Variants in ECI2 observed in about 807,000 individuals in gnomAD.
ECI2 encodes D3,D2-enoyl-CoA isomerase.
In ECI2, 27 loss-of-function variants were observed where a neutral mutation model predicts 38.4. The ratio of observed to expected loss-of-function variants is 0.70; its 90% confidence interval spans 0.52 to 0.97. The LOEUF (loss-of-function observed/expected upper bound fraction) is 0.97, where lower values mean the gene tolerates loss of function less well. ECI2 is among the 50% of genes least tolerant of loss of function. ECI2 has a pLI of 0.00. For synonymous variants in ECI2, 168 were observed against 172.0 expected (o/e 0.98, Z 0.18); for missense variants, 470 against 474.4 (o/e 0.99, Z 0.09).
intron 7 of ECI2, among the ~76,000 whole-genome samples, chr6:4,123,322 A>C (rs1198436450): frequency 2.0e-5 from 3 of 151,494 alleles, no homozygotes; most frequent in African/African-American, 7.3e-5. Flanking sequence ...GATTACAGAC[A>C]CCCGCCACCA....
intron 4 of ECI2, 130 bp downstream of exon 4, chr6:4,130,242 C>A (rs1490218369): frequency 1.2e-6 from 2 of 1,613,518 alleles, no homozygotes; most frequent in South Asian, 2.2e-5. Context: ...CCACAATTAC[C>A]AACCTTCCTG....
intron 1 of ECI2, chr6:4,135,108 C>T (rs3804317): frequency 0.073 from 35,455 of 484,806 alleles, 1,924 homozygotes; most frequent in East Asian, 0.28. Flanking sequence ...TAACGGCTTG[C>T]GTTTACCTCG....
In ECI2 at chr6:4,131,002, T is replaced by A. The variant is rs1773481234; in HGVS notation, c.214-137A>T. 3 of 745,242 alleles carry A rather than the reference T, an allele frequency of 4.0e-6. No homozygotes were observed. In the South Asian group the frequency reaches 6.8e-5, roughly 17 times the overall value. 46.2% of individuals were successfully genotyped at this position (745,242 alleles called of 1,614,324 possible). A position where few individuals can be genotyped will look rare whatever the true frequency, so the allele number is the denominator to read the frequency against. The stretch of plus-strand genomic sequence containing the variant: ...CAGGGTATGTAAATTGATCTGAATT[T>A]TCCCCTCCAGTCTCTTTGATGTTGT... On this transcript the variant is annotated intron_variant, in intron 2 of 9. Transcript: ENST00000380118.
intron 5 of ECI2, among the ~76,000 whole-genome samples, chr6:4,126,907 T>A (rs1773198716): frequency 1.3e-5 from 2 of 152,186 alleles, no homozygotes; most frequent in African/African-American, 4.8e-5. Context: ...AAGATCACCA[T>A]CCAAAACAAG....
In ECI2 at chr6:4,130,853, G is replaced by A; in HGVS notation, c.226C>T (p.Pro76Ser). 2 of 1,614,086 alleles carry A rather than the reference G, an allele frequency of 1.2e-6. No homozygotes were observed. Among genetic ancestry groups the A allele is most frequent in the African/African-American group, 2.7e-5 (2 of 75,014 alleles). The change falls in exon 3 of 10, where the codon CCT (proline) becomes TCT (serine). Residue 76 changes from proline (P) to serine (S), a missense_variant. By Grantham distance (74) the Pro-to-Ser change is moderately conservative. Transcript: ENST00000380118. Reference sequence around the variant, plus strand: ...ACACCTGGTTTGGGCATGTTACAAGGTCCTTCAGTGGCCTGTGAAAAGGAG... The same window carrying A: ...ACACCTGGTTTGGGCATGTTACAAGATCCTTCAGTGGCCTGTGAAAAGGAG... The part of the protein sequence containing the change: ...YALYKQATEG[P>S]CNMPKPGVFD...
chr6:4,126,100 C>T, intron 6 of ECI2, 35 bp downstream of exon 6: 1 of 1,552,792 alleles, frequency 6.4e-7, no homozygotes, highest in African/African-American at 1.4e-5. Flanking sequence ...TAAGAACGGG[C>T]CCTCTGGGAT....
chr6:4,133,866 G>T, intron 1 of ECI2, 155 bp from the exon 2 acceptor site: 1 of 830,790 alleles, frequency 1.2e-6, no homozygotes, highest in Non-Finnish European at 1.7e-6. Context: ...CAAATAATTG[G>T]CTGTAAGGAT....
At chr6:4,133,749 C>T in intron 1 of ECI2, 38 bp from the exon 2 acceptor site, 1 of 1,554,416 alleles carries the variant, frequency 6.4e-7, no homozygotes. Flanking sequence ...TGTTCCCAAC[C>T]CTCACATTTC....
rs749347514 is a variant in ECI2, at chr6:4,119,254, TA to T, written c.816del (p.Phe272LeufsTer4). ...ASDRATFHTP[F>X]SHLGQSPEGC... ...CCTTCCGGACTTTGGCCTAGGTGAC[TA>T]AATGGTGTATGAAATGTTGCCTGCA... On this transcript the variant is annotated frameshift_variant, in exon 8 of 10. Coordinates refer to ENST00000380118, the MANE Select transcript of ECI2 (RefSeq NM_206836.3). LOFTEE classifies it high-confidence loss of function. The T allele has an allele frequency of 2.5e-6, 4 of 1,613,030 alleles. No individual in the cohort carries two copies. The African/African-American group carries it at 5.4e-5, about 22-fold the overall frequency.
At chr6:4,134,174 C>G (rs1169459427) in intron 1 of ECI2, among the ~76,000 whole-genome samples, 1 of 152,220 alleles carries the variant, frequency 6.6e-6, no homozygotes, top group Non-Finnish European at 1.5e-5. Context: ...GCTGGCGAAG[C>G]TGGTGTTCCA....
Position 4,130,776 on chromosome 6 carries a change from G to A in ECI2, c.303C>T (p.Ser101=). ...TAACTAGTAAACTCACCTTGGGCAG[G>A]CTGCCAAGGGCATTCCATGCGTCCC... The part of the protein sequence containing the change: ...AKWDAWNALG[S]LPKEAARQNY... Residue 101 remains serine, a synonymous_variant, in exon 3 of 10, where the codon AGC becomes AGT. Coordinates refer to ENST00000380118, the MANE Select transcript of ECI2 (RefSeq NM_206836.3). 10 of 1,613,950 alleles carry A rather than the reference G, an allele frequency of 6.2e-6. No individual in the cohort carries two copies. Among genetic ancestry groups the A allele is most frequent in the Non-Finnish European group, 8.5e-6 (10 of 1,179,978 alleles).
chr6:4,119,143 A>C, intron 8 of ECI2, 43 bp downstream of exon 8: 1 of 1,497,962 alleles, frequency 6.7e-7, no homozygotes, highest in South Asian at 1.2e-5. Flanking sequence ...TTCTTTCTTG[A>C]GATGACTCAT....
intron 7 of ECI2, among the ~76,000 whole-genome samples, chr6:4,123,996 A>G (rs1238370917): frequency 1.3e-5 from 2 of 152,118 alleles, no homozygotes; most frequent in African/African-American, 4.8e-5. Context: ...TGTATATTGA[A>G]AGTAATTTTC....
Position 4,130,464 on chromosome 6 carries a change from T to C in ECI2, c.409A>G (p.Thr137Ala), listed in dbSNP as rs45557937. The change falls in exon 4 of 10, where the codon ACT (threonine) becomes GCT (alanine). Residue 137 changes from threonine to alanine, a missense_variant. Thr to Ala is a moderately conservative substitution (Grantham distance 58, BLOSUM62 0). Coordinates refer to ENST00000380118, the MANE Select transcript of ECI2 (RefSeq NM_206836.3). ...GTCACCACCAGAGTTTCAAACCCAG[T>C]TGATTTCCTGTCTGTTCCAGGCTCC... ...QVEPGTDRKS[T>A]GFETLVVTSE... 1.3e-4 allele frequency: 207 copies of C among 1,614,250 alleles called. No homozygotes were observed. Among genetic ancestry groups the C allele is most frequent in the Non-Finnish European group, 1.7e-4 (201 of 1,180,042 alleles).
chr6:4,119,501 C>A (rs148823548), intron 7 of ECI2, among the ~76,000 whole-genome samples: 2,888 of 151,918 alleles, frequency 0.019, 164 homozygotes, highest in Admixed American at 0.11. Flanking sequence ...TTGTATTTTT[C>A]GTAGAGACGG....
chr6:4,115,931 T>C lies in ECI2; in HGVS notation c.1128A>G (p.Leu376=), dbSNP rs375466525. 3.0e-5 allele frequency: 49 copies of C among 1,614,114 alleles called. No individual in the cohort carries two copies. The highest frequency in any genetic ancestry group is 3.6e-5 in the Non-Finnish European group (43 of 1,180,052). The change falls in exon 10 of 10, where the codon CTA becomes CTG. Residue 376 remains leucine (L), a synonymous_variant. Transcript: ENST00000380118. ...CCACAGCATTTGTGCATTCATCTGA[T>C]AGCCATCTTCCCTGAAGGACATTGC... ...EECNVLQGRW[L]SDECTNAVVN... is the part of the protein sequence containing the mutation.
At chr6:4,117,528 C>T in intron 8 of ECI2, 77 bp from the exon 9 acceptor site, 1 of 1,551,182 alleles carries the variant, frequency 6.4e-7, no homozygotes, top group Non-Finnish European at 8.7e-7. Flanking sequence ...TTTCAGGAGG[C>T]TTAGAGAGAT....
intron 5 of ECI2, 49 bp from the exon 6 acceptor site, chr6:4,126,286 C>T (rs766875772): frequency 6.7e-7 from 1 of 1,495,676 alleles, no homozygotes; most frequent in African/African-American, 1.4e-5. Flanking sequence ...TCCTATAATT[C>T]TTGAGTATCT....
At chr6:4,126,327 G>T in intron 5 of ECI2, 90 bp from the exon 6 acceptor site, 1 of 1,096,464 alleles carries the variant, frequency 9.1e-7, no homozygotes. Context: ...GTTAGGCAAG[G>T]GAAATACATT....
Sources: gnomAD v4.1 joint callset for allele counts (sites outside exome capture counted in the v4.1 genomes callset) on GRCh38, gnomAD v4.1.1 for gene constraint, MANE v1.5 for transcripts, NCBI Gene and HGNC (gene_info 2026-07-23, HGNC 2026-07-21) for gene names.